The following ADAMTS20 variants were observed in gnomAD, a reference collection of about 807,000 sequenced individuals.
The protein encoded by ADAMTS20 is ADAM metallopeptidase with thrombospondin type 1 motif 20, also known as A disintegrin and metalloproteinase with thrombospondin motifs 20.
In ADAMTS20, 225 loss-of-function variants were observed where a neutral mutation model predicts 260.1. That is an observed-to-expected ratio of 0.87 (90% CI 0.78 to 0.97). The LOEUF is 0.97. Ranked by LOEUF, ADAMTS20 falls within the 50% of genes least tolerant of loss-of-function variation. The pLI is 0.00. For synonymous variants in ADAMTS20, 802 were observed against 769.5 expected (o/e 1.04, Z -0.70); for missense variants, 2,400 against 2,337.7 (o/e 1.03, Z -0.55).
At chr12:43,378,465 T>C (rs1257252347) in intron 31 of ADAMTS20, among the ~76,000 whole-genome samples, 2 of 152,088 alleles carry the variant, frequency 1.3e-5, no homozygotes, top group Non-Finnish European at 2.9e-5. Flanking sequence ...CATGAGGAAA[T>C]AGGTAAAGTA....
chr12:43,471,465 G>A (rs1251284126), intron 7 of ADAMTS20, among the ~76,000 whole-genome samples: 10 of 118,212 alleles, frequency 8.5e-5, no homozygotes, highest in African/African-American at 3.3e-4. Context: ...CAGGAAGCTC[G>A]AACTGGGTGG....
intron 28 of ADAMTS20, among the ~76,000 whole-genome samples, chr12:43,414,733 T>C (rs1941098080): frequency 6.6e-6 from 1 of 152,116 alleles, no homozygotes; most frequent in Admixed American, 6.6e-5. Flanking sequence ...ACAGCCACTT[T>C]AGAAAACTGT....
chr12:43,475,036 G>T (rs1482985738), intron 7 of ADAMTS20, among the ~76,000 whole-genome samples: 1 of 138,202 alleles, frequency 7.2e-6, no homozygotes, highest in Non-Finnish European at 1.6e-5. Flanking sequence ...ATTAGGAAAA[G>T]AGGAAGTCAA....
rs1201001608 is a variant in ADAMTS20 at position 43,371,849 on chromosome 12, C to T, written c.5447-2468G>A. ...ACAATTTTGTCCATAACAGCATGCA[C>T]ATTGAAAATTCACCTGACAGAAGTT... On this transcript the variant is annotated intron_variant, in intron 36 of 38. Transcript: ENST00000389420. Among the ~76,000 whole-genome samples the T allele has an allele frequency of 2.6e-5, 4 of 152,146 alleles. No individual in the cohort carries two copies. The East Asian group carries it at 5.8e-4, about 22-fold the overall frequency.
At chr12:43,525,418 T>C (rs192533807) in intron 3 of ADAMTS20, among the ~76,000 whole-genome samples, 1 of 152,228 alleles carries the variant, frequency 6.6e-6, no homozygotes, top group East Asian at 1.9e-4. Flanking sequence ...TGCACCAAAA[T>C]AGAATCTCTT....
intron 10 of ADAMTS20, 75 bp from the exon 11 acceptor site, chr12:43,463,074 T>C (rs1304346582): frequency 9.9e-7 from 1 of 1,010,352 alleles, no homozygotes. Context: ...GTATTACACA[T>C]TGATTTATAA....
rs545314426 is a variant in ADAMTS20 at position 43,425,450 on chromosome 12, C to T, written c.4284+64G>A. The T allele has an allele frequency of 2.3e-6, 3 of 1,281,806 alleles. No individual in the cohort carries two copies. The South Asian group carries it at 7.0e-5, about 30-fold the overall frequency. The allele number at this position is 1,281,806 out of a possible 1,614,324, so 79.4% of individuals were successfully genotyped here. The stretch of plus-strand genomic sequence containing the variant: ...AGTCGAAGAAAAGAAAAACAATGAA[C>T]TCTCCCTCACTCAGACTCAAACTTT... On this transcript the variant is annotated intron_variant, in intron 28 of 38. Coordinates refer to ENST00000389420, the MANE Select transcript of ADAMTS20 (RefSeq NM_025003.5).
chr12:43,382,424 G>T (rs1029091485), intron 31 of ADAMTS20, among the ~76,000 whole-genome samples: 2 of 152,116 alleles, frequency 1.3e-5, no homozygotes, highest in Non-Finnish European at 2.9e-5. Flanking sequence ...CAAATGTGCA[G>T]AACAGGCAAA....
chr12:43,488,538 C>T (rs1411583541), intron 7 of ADAMTS20, among the ~76,000 whole-genome samples: 1 of 152,108 alleles, frequency 6.6e-6, no homozygotes, highest in South Asian at 2.1e-4. Flanking sequence ...ATGAATAATA[C>T]CCATTCGAGC....
chr12:43,481,421 C>A (rs1424182886), intron 7 of ADAMTS20, among the ~76,000 whole-genome samples: 1 of 152,122 alleles, frequency 6.6e-6, no homozygotes, highest in Non-Finnish European at 1.5e-5. Flanking sequence ...ATGGTGCAAC[C>A]TTAAAGTATT....
chr12:43,429,711 G>T lies in ADAMTS20; in HGVS notation c.3395C>A (p.Thr1132Lys), dbSNP rs770706587. 2 of 1,582,492 alleles carry T rather than the reference G, an allele frequency of 1.3e-6. No homozygotes were observed. The highest frequency in any genetic ancestry group is 1.3e-5 in the African/African-American group (1 of 74,414). ...AAGTTTAGAAATAAATGAGCAAGGT[G>T]TAAGTACACAGCTCTGTTCAGAAGA... ...RPSDRQSCVL[T>K]PCSFISKLET... is the part of the protein sequence containing the mutation. The change falls in exon 24 of 39, where the codon ACA (threonine) becomes AAA (lysine). Residue 1132 changes from threonine to lysine, a missense_variant. Coordinates refer to ENST00000389420, the MANE Select transcript of ADAMTS20 (RefSeq NM_025003.5).
chr12:43,353,946 A>G lies in ADAMTS20; in HGVS notation c.*263T>C, dbSNP rs965528152. 9 of 268,558 alleles carry G rather than the reference A, an allele frequency of 3.4e-5. No homozygotes were observed. Among genetic ancestry groups the G allele is most frequent in the African/African-American group, 2.0e-4 (9 of 44,988 alleles). 16.6% of individuals were successfully genotyped at this position (268,558 alleles called of 1,614,324 possible). A position where few individuals can be genotyped will look rare whatever the true frequency, so the allele number is the denominator to read the frequency against. ...ACACTGTCTTGGTATAATTCATTCAATCCTGGTATTCTCTATTATAAATTA... is the reference window on the plus strand; with the variant it reads ...ACACTGTCTTGGTATAATTCATTCAGTCCTGGTATTCTCTATTATAAATTA... On this transcript the variant is annotated 3_prime_UTR_variant, in exon 39 of 39. Transcript: ENST00000389420.
chr12:43,500,666 T>C (rs1942745576), intron 4 of ADAMTS20, among the ~76,000 whole-genome samples: 1 of 152,206 alleles, frequency 6.6e-6, no homozygotes, highest in African/African-American at 2.4e-5. Flanking sequence ...TCATTTTATA[T>C]ATTTGTTTTT....
intron 6 of ADAMTS20, among the ~76,000 whole-genome samples, chr12:43,491,005 A>G (rs1344018482): frequency 6.6e-6 from 1 of 152,058 alleles, no homozygotes; most frequent in Non-Finnish European, 1.5e-5. Flanking sequence ...ACTATATATA[A>G]CATAATACTA....
intron 31 of ADAMTS20, among the ~76,000 whole-genome samples, chr12:43,380,973 T>C (rs1940336523): frequency 6.6e-6 from 1 of 152,178 alleles, no homozygotes; most frequent in South Asian, 2.1e-4. Context: ...TCATACTTCC[T>C]GACTTCAAAA....
intron 3 of ADAMTS20, among the ~76,000 whole-genome samples, chr12:43,517,140 T>G (rs1266965418): frequency 1.3e-5 from 2 of 152,064 alleles, no homozygotes; most frequent in Non-Finnish European, 2.9e-5. Flanking sequence ...AAGCTTTCAT[T>G]CTAAAACTTG....
chr12:43,368,478 C>T (rs1940035023), intron 37 of ADAMTS20, among the ~76,000 whole-genome samples: 1 of 152,006 alleles, frequency 6.6e-6, no homozygotes, highest in Non-Finnish European at 1.5e-5. Flanking sequence ...GTCCTCTCTT[C>T]CTAATATAAG....
At chr12:43,464,771 A>G (rs1191111111) in intron 9 of ADAMTS20, 39 bp from the exon 10 acceptor site, 2 of 1,579,210 alleles carry the variant, frequency 1.3e-6, no homozygotes, top group Non-Finnish European at 8.6e-7. Context: ...GTGAATACAC[A>G]TGGATGCATT....
At chr12:43,361,182 A>G (rs570325579) in intron 37 of ADAMTS20, among the ~76,000 whole-genome samples, 58 of 152,342 alleles carry the variant, frequency 3.8e-4, no homozygotes, top group Middle Eastern at 3.4e-3. Flanking sequence ...ATCCTGTCAC[A>G]TGCAAACACA....
Sources: gnomAD v4.1 joint callset for allele counts (sites outside exome capture counted in the v4.1 genomes callset) on GRCh38, gnomAD v4.1.1 for gene constraint, MANE v1.5 for transcripts, NCBI Gene and HGNC (gene_info 2026-07-23, HGNC 2026-07-21) for gene names.